The following CACHD1 variants were observed in gnomAD, a reference collection of about 807,000 sequenced individuals.
The protein encoded by CACHD1 is VWFA and cache domain-containing protein 1.
In CACHD1, 71 loss-of-function variants were observed where a neutral mutation model predicts 138.7. The ratio of observed to expected loss-of-function variants is 0.51; its 90% CI spans 0.42 to 0.62. The LOEUF is 0.62. Among genes scored for constraint, CACHD1 ranks in the 20% least tolerant of loss-of-function variants. The pLI, the probability that CACHD1 is intolerant of heterozygous loss-of-function variation, is 0.00. For missense variants in CACHD1, 1,389 were observed against 1,625.3 expected (o/e 0.85, Z 2.50); for synonymous variants, 578 against 591.5 (o/e 0.98, Z 0.33).
Position 64,490,192 on chromosome 1 carries a change from T to C in CACHD1, c.198+19250T>C, listed in dbSNP as rs529524141. 9.8e-5 allele frequency among the ~76,000 whole-genome samples: 15 copies of C among 152,320 alleles called. No individual in the cohort carries two copies. The South Asian group carries it at 3.1e-3, about 32-fold the overall frequency. On this transcript the variant is annotated intron_variant, in intron 1 of 26. Transcript: ENST00000651257. ...TAAGCATTTTCAGCAAAAAGGAAGATATTTTTCAAATTCCCAAAGGGCAGA... is the reference window on the plus strand; with the variant it reads ...TAAGCATTTTCAGCAAAAAGGAAGACATTTTTCAAATTCCCAAAGGGCAGA...
At chr1:64,691,265 A>T in intron 26 of CACHD1, 58 bp from the exon 27 acceptor site, 2 of 1,516,848 alleles carry the variant, frequency 1.3e-6, no homozygotes, top group African/African-American at 2.7e-5. Flanking sequence ...TTGTAGGTGA[A>T]ATCTTCTGTC....
chr1:64,550,262 C>T (rs149949533), intron 1 of CACHD1, among the ~76,000 whole-genome samples: 71 of 152,124 alleles, frequency 4.7e-4, no homozygotes, highest in African/African-American at 1.4e-3. Flanking sequence ...ATTCAGGGAG[C>T]GCAGGATTTA....
At chr1:64,616,975 A>G (rs965192348) in intron 4 of CACHD1, among the ~76,000 whole-genome samples, 2 of 152,048 alleles carry the variant, frequency 1.3e-5, no homozygotes, top group South Asian at 2.1e-4. Flanking sequence ...AATGTTTTTC[A>G]TCATTATTGC....
At chr1:64,575,650 T>A (rs1449971627) in intron 2 of CACHD1, among the ~76,000 whole-genome samples, 1 of 152,212 alleles carries the variant, frequency 6.6e-6, no homozygotes, top group East Asian at 1.9e-4. Flanking sequence ...GCTATGAATC[T>A]TCAGTCCCCT....
intron 4 of CACHD1, among the ~76,000 whole-genome samples, chr1:64,623,949 G>A (rs1648007030): frequency 6.6e-6 from 1 of 152,124 alleles, no homozygotes; most frequent in South Asian, 2.1e-4. Flanking sequence ...AGGACCCTGT[G>A]GCTAGACACC....
chr1:64,592,632 A>G (rs1647116064), intron 3 of CACHD1, among the ~76,000 whole-genome samples: 1 of 152,188 alleles, frequency 6.6e-6, no homozygotes, highest in Non-Finnish European at 1.5e-5. Context: ...CCCAGCTGGC[A>G]CAATGGAAAA....
intron 1 of CACHD1, among the ~76,000 whole-genome samples, chr1:64,512,250 T>C (rs758003750): frequency 1.3e-5 from 2 of 151,906 alleles, no homozygotes; most frequent in Non-Finnish European, 2.9e-5. Context: ...AAAAATTAGC[T>C]GGTCATGGTG....
At chr1:64,527,727 A>C (rs1302260553) in intron 1 of CACHD1, among the ~76,000 whole-genome samples, 1 of 152,258 alleles carries the variant, frequency 6.6e-6, no homozygotes. Flanking sequence ...TTAATATACA[A>C]ATCTATAAAA....
rs1649974419 is a variant in CACHD1 at position 64,675,994 on chromosome 1, TA to T, written c.2975+13del. 2 of 19,180 alleles carry T rather than the reference TA, an allele frequency of 1.0e-4. No individual in the cohort carries two copies. The highest frequency in any genetic ancestry group is 0.083 in the East Asian group (1 of 12). The allele number at this position is 19,180 out of a possible 1,614,324, so 1.2% of individuals were successfully genotyped here. A position where few individuals can be genotyped will look rare whatever the true frequency, so the allele number is the denominator to read the frequency against. ...CAATGCAGAGAACCGGTAAAATAAT[TA>T]ATAATAATAATAATAATAATAATAA... On this transcript the variant is annotated intron_variant, in intron 21 of 26. Coordinates refer to ENST00000651257, the MANE Select transcript of CACHD1 (RefSeq NM_020925.4).
intron 1 of CACHD1, among the ~76,000 whole-genome samples, chr1:64,508,445 T>C (rs1646393724): frequency 6.6e-6 from 1 of 152,216 alleles, no homozygotes; most frequent in Non-Finnish European, 1.5e-5. Context: ...TAGCAGGGGC[T>C]ATGAGAGCAT....
At chr1:64,603,540 TG>T (rs1647257229) in intron 4 of CACHD1, among the ~76,000 whole-genome samples, 2 of 152,362 alleles carry the variant, frequency 1.3e-5, no homozygotes, top group South Asian at 4.1e-4. Context: ...CAGTTATCTT[TG>T]CAATAGGAGG....
At chr1:64,527,000 T>G (rs1646544721) in intron 1 of CACHD1, among the ~76,000 whole-genome samples, 1 of 152,248 alleles carries the variant, frequency 6.6e-6, no homozygotes, top group Admixed American at 6.5e-5. Flanking sequence ...ACGTTTGATC[T>G]GTAGCGAGCA....
Position 64,566,464 on chromosome 1 carries a change from C to A in CACHD1, c.262-15692C>A, listed in dbSNP as rs1243833962. On this transcript the variant is annotated intron_variant, in intron 2 of 26. Transcript: ENST00000651257. ...AAGTGTATTTAGATTCAGTGCTCCA[C>A]TGTATGTTTTCAATTCCCCCCCCCC... Among the ~76,000 whole-genome samples the A allele has an allele frequency of 2.0e-4, 22 of 108,884 alleles. No individual in the cohort carries two copies. In the Admixed American group the frequency reaches 2.7e-3, roughly 13 times the overall value. 71.4% of individuals were successfully genotyped at this position (108,884 alleles called of 152,430 possible).
intron 4 of CACHD1, among the ~76,000 whole-genome samples, chr1:64,616,907 C>G (rs561234162): frequency 2.0e-5 from 3 of 151,858 alleles, no homozygotes; most frequent in Admixed American, 1.3e-4. Flanking sequence ...TGTAGACCAC[C>G]CTTCTTAGTT....
At chr1:64,570,885 C>CT (rs948177594) in intron 2 of CACHD1, among the ~76,000 whole-genome samples, 5 of 152,064 alleles carry the variant, frequency 3.3e-5, no homozygotes, top group African/African-American at 1.2e-4. Context: ...GGTGAGGGTG[C>CT]TGTTACTGTT....
intron 1 of CACHD1, among the ~76,000 whole-genome samples, chr1:64,480,872 TTCTC>T (rs1181186524): frequency 1.3e-5 from 2 of 151,614 alleles, no homozygotes; most frequent in Admixed American, 6.6e-5. Flanking sequence ...AGTTGTTTCT[TTCTC>T]TCTCTCTCCC....
chr1:64,490,373 C>T lies in CACHD1; in HGVS notation c.198+19431C>T, dbSNP rs551477487. On this transcript the variant is annotated intron_variant, in intron 1 of 26. Coordinates refer to ENST00000651257, the MANE Select transcript of CACHD1 (RefSeq NM_020925.4). ...TTCGTTAATAGAAAACATTCATGCA[C>T]CTCTAGGGGGGAGAAATTAAAGCAC... Among the ~76,000 whole-genome samples, 208 of 71,498 alleles carry T rather than the reference C, an allele frequency of 2.9e-3. 1 individual carries two copies. Among genetic ancestry groups the T allele is most frequent in the African/African-American group, 5.5e-3 (202 of 36,994 alleles). The allele number at this position is 71,498 out of a possible 152,430, so 46.9% of individuals were successfully genotyped here. A position where few individuals can be genotyped will look rare whatever the true frequency, so the allele number is the denominator to read the frequency against.
At chr1:64,583,624 C>T (rs1435374270) in intron 3 of CACHD1, among the ~76,000 whole-genome samples, 2 of 152,170 alleles carry the variant, frequency 1.3e-5, no homozygotes, top group Admixed American at 6.5e-5. Context: ...AGTTCCTTCT[C>T]ACACCACTAA....
intron 2 of CACHD1, among the ~76,000 whole-genome samples, chr1:64,555,744 G>A (rs1034071045): frequency 6.6e-6 from 1 of 152,156 alleles, no homozygotes; most frequent in Non-Finnish European, 1.5e-5. Context: ...TTATCCACCT[G>A]GAATTGATTT....
Sources: allele counts gnomAD v4.1 joint callset (sites outside exome capture counted in the v4.1 genomes callset), GRCh38; gene constraint gnomAD v4.1.1; transcripts MANE v1.5; gene names NCBI Gene and HGNC (gene_info 2026-07-23, HGNC 2026-07-21).